KCNQ5: variants seen among roughly 807,000 people sequenced by gnomAD.
KCNQ5 encodes potassium voltage-gated channel subfamily Q member 5, also known as potassium voltage-gated channel subfamily KQT member 5.
KCNQ5 carries 30 observed loss-of-function variants against 98.2 expected under a neutral mutation model. That is an observed-to-expected ratio of 0.31 (90% CI 0.23 to 0.41). The LOEUF (loss-of-function observed/expected upper bound fraction) is 0.41. Ranked by LOEUF, KCNQ5 falls within the 10% of genes least tolerant of loss-of-function variation. The pLI, the probability that KCNQ5 is intolerant of heterozygous loss-of-function variation, is 1.00. For synonymous variants in KCNQ5, 458 were observed against 449.4 expected (o/e 1.02, Z -0.24); for missense variants, 835 against 1,182.5 (o/e 0.71, Z 4.31).
At chr6:73,070,250 G>C (rs1043095713) in intron 3 of KCNQ5, among the ~76,000 whole-genome samples, 61 of 152,068 alleles carry the variant, frequency 4.0e-4, no homozygotes, top group African/African-American at 1.4e-3. Context: ...ATAGGAATAG[G>C]CAATAAAACA....
intron 1 of KCNQ5, among the ~76,000 whole-genome samples, chr6:72,791,651 G>A (rs1774054375): frequency 6.6e-6 from 1 of 152,204 alleles, no homozygotes; most frequent in Non-Finnish European, 1.5e-5. Context: ...TTGTGCTGCT[G>A]TCACAGAATA....
chr6:73,161,466 A>C (rs1385186786), intron 10 of KCNQ5, among the ~76,000 whole-genome samples: 1 of 152,242 alleles, frequency 6.6e-6, no homozygotes, highest in Non-Finnish European at 1.5e-5. Context: ...CTAGAAAAGA[A>C]TAATTCAAAT....
intron 7 of KCNQ5, among the ~76,000 whole-genome samples, chr6:73,112,501 G>T (rs1056049000): frequency 5.3e-5 from 8 of 151,876 alleles, no homozygotes; most frequent in Non-Finnish European, 1.0e-4. Context: ...ACCCGCCACC[G>T]CGCCCGGCTA....
At position 73,100,290 on chromosome 6, in the gene KCNQ5, G is replaced by A. The variant is rs564625989; in HGVS notation, c.919-4967G>A. Among the ~76,000 whole-genome samples, 7 of 152,202 alleles carry A rather than the reference G, an allele frequency of 4.6e-5. No individual in the cohort carries two copies. In the East Asian group the frequency reaches 1.2e-3, roughly 25 times the overall value. On this transcript the variant is annotated intron_variant, in intron 5 of 13. Coordinates refer to ENST00000370398, the MANE Select transcript of KCNQ5 (RefSeq NM_019842.4). ...CCTATTATGCAACCTACAAGAGCAAGAGTAAACCAAACCCAAAGTTAGTAG... is the reference window on the plus strand; with the variant it reads ...CCTATTATGCAACCTACAAGAGCAAAAGTAAACCAAACCCAAAGTTAGTAG...
rs151205583 is a variant in KCNQ5 at position 72,874,421 on chromosome 6, T to C, written c.399-129487T>C. ...TAAATAGAGTTTGGGACCTGGATGG[T>C]CTATCTACATAAATATTTATTGCAA... On this transcript the variant is annotated intron_variant, in intron 1 of 13. Coordinates refer to ENST00000370398, the MANE Select transcript of KCNQ5 (RefSeq NM_019842.4). Among the ~76,000 whole-genome samples the C allele has an allele frequency of 7.1e-3, 1,081 of 152,216 alleles. 34 individuals are homozygous for C. Among genetic ancestry groups the C allele is most frequent in the Admixed American group, 0.059 (907 of 15,276 alleles).
intron 5 of KCNQ5, among the ~76,000 whole-genome samples, chr6:73,097,701 A>G (rs1274951863): frequency 6.6e-6 from 1 of 152,204 alleles, no homozygotes; most frequent in East Asian, 1.9e-4. Flanking sequence ...AATGTAAGGA[A>G]GAGAACAAGA....
intron 1 of KCNQ5, among the ~76,000 whole-genome samples, chr6:72,859,253 A>G (rs1777659582): frequency 6.6e-6 from 1 of 152,152 alleles, no homozygotes; most frequent in South Asian, 2.1e-4. Context: ...TTTTAACTAC[A>G]TATGCCTATT....
At chr6:72,934,788 C>A (rs1388785605) in intron 1 of KCNQ5, among the ~76,000 whole-genome samples, 1 of 152,146 alleles carries the variant, frequency 6.6e-6, no homozygotes, top group African/African-American at 2.4e-5. Context: ...CACTGATCAA[C>A]AATGTCAGTC....
At chr6:73,094,674 A>G (rs564539885) in intron 5 of KCNQ5, among the ~76,000 whole-genome samples, 1 of 152,214 alleles carries the variant, frequency 6.6e-6, no homozygotes, top group Admixed American at 6.5e-5. Flanking sequence ...TTTCCTTCAT[A>G]TATGAAGGAT....
intron 1 of KCNQ5, among the ~76,000 whole-genome samples, chr6:72,963,201 G>A (rs1044559865): frequency 6.6e-6 from 1 of 152,188 alleles, no homozygotes; most frequent in Non-Finnish European, 1.5e-5. Context: ...CAGGTCTAAA[G>A]TAAAATATTT....
chr6:72,681,233 C>T (rs548148953), intron 1 of KCNQ5, among the ~76,000 whole-genome samples: 12 of 152,226 alleles, frequency 7.9e-5, no homozygotes, highest in African/African-American at 2.6e-4. Flanking sequence ...AATAAAGCAA[C>T]GGGGGCTTGC....
chr6:72,825,203 A>C (rs1447208745), intron 1 of KCNQ5, among the ~76,000 whole-genome samples: 1 of 151,634 alleles, frequency 6.6e-6, no homozygotes, highest in Non-Finnish European at 1.5e-5. Flanking sequence ...TTCCCCCTTC[A>C]CCCCTAAAAA....
intron 1 of KCNQ5, among the ~76,000 whole-genome samples, chr6:72,792,292 A>G (rs1301483495): frequency 1.3e-5 from 2 of 152,042 alleles, no homozygotes; most frequent in African/African-American, 2.4e-5. Context: ...CCTTCCCAAC[A>G]TGGTTTTAAG....
At chr6:72,686,358 C>G (rs1767949451) in intron 1 of KCNQ5, among the ~76,000 whole-genome samples, 1 of 152,068 alleles carries the variant, frequency 6.6e-6, no homozygotes, top group African/African-American at 2.4e-5. Context: ...AATGATAGCT[C>G]AGTATAGTTT....
chr6:73,132,560 C>G (rs1359210313), intron 9 of KCNQ5, among the ~76,000 whole-genome samples: 1 of 152,212 alleles, frequency 6.6e-6, no homozygotes, highest in Non-Finnish European at 1.5e-5. Flanking sequence ...CATAGCATAT[C>G]TCTTGATTAG....
chr6:72,802,553 A>G (rs184437638), intron 1 of KCNQ5, among the ~76,000 whole-genome samples: 4 of 152,224 alleles, frequency 2.6e-5, no homozygotes, highest in Admixed American at 6.5e-5. Context: ...CCAACCTCAT[A>G]TCGTTACTTT....
chr6:72,765,278 C>A (rs538528759), intron 1 of KCNQ5, among the ~76,000 whole-genome samples: 27 of 151,978 alleles, frequency 1.8e-4, no homozygotes, highest in Non-Finnish European at 2.1e-4. Context: ...TTCTTGCCAG[C>A]ATGATCCCTT....
chr6:72,685,459 T>A (rs1370013784), intron 1 of KCNQ5, among the ~76,000 whole-genome samples: 4 of 152,240 alleles, frequency 2.6e-5, no homozygotes, highest in Admixed American at 6.5e-5. Context: ...ACAGTGAGAA[T>A]TCTTCCATCC....
At chr6:72,861,850 C>A (rs1418698565) in intron 1 of KCNQ5, among the ~76,000 whole-genome samples, 1 of 151,168 alleles carries the variant, frequency 6.6e-6, no homozygotes, top group Non-Finnish European at 1.5e-5. Context: ...CCTGGATCCA[C>A]CCCCAGCTGT....
Sources: gnomAD v4.1 joint callset for allele counts (sites outside exome capture counted in the v4.1 genomes callset) on GRCh38, gnomAD v4.1.1 for gene constraint, MANE v1.5 for transcripts, NCBI Gene and HGNC (gene_info 2026-07-23, HGNC 2026-07-21) for gene names.